TBC1D5: variants seen among roughly 807,000 people sequenced by gnomAD.
TBC1D5 encodes TBC1 domain family member 5, also known as TBC1 domain family, member 5.
In TBC1D5, 75 loss-of-function variants were observed where a neutral mutation model predicts 100.3. The ratio of observed to expected loss-of-function variants is 0.75; its 90% CI spans 0.62 to 0.91. The LOEUF (loss-of-function observed/expected upper bound fraction) is 0.91. TBC1D5 is among the 40% of genes least tolerant of loss of function. TBC1D5 has a pLI of 0.00. For missense variants in TBC1D5, 910 were observed against 942.4 expected (o/e 0.97, Z 0.45); for synonymous variants, 323 against 325.6 (o/e 0.99, Z 0.09).
chr3:17,372,353 C>A (rs2092509561), intron 12 of TBC1D5, 106 bp from the exon 13 acceptor site: 2 of 1,010,262 alleles, frequency 2.0e-6, no homozygotes, highest in Non-Finnish European at 1.4e-6. Flanking sequence ...TTATTATCTG[C>A]CTACTACTCA....
intron 13 of TBC1D5, among the ~76,000 whole-genome samples, chr3:17,366,680 T>C (rs994639471): frequency 6.6e-6 from 1 of 152,120 alleles, no homozygotes; most frequent in Non-Finnish European, 1.5e-5. Context: ...ATATAATCTT[T>C]TAGGTGGATA....
At chr3:17,193,493 G>C (rs1014358403) in intron 18 of TBC1D5, among the ~76,000 whole-genome samples, 1 of 152,122 alleles carries the variant, frequency 6.6e-6, no homozygotes, top group Non-Finnish European at 1.5e-5. Context: ...CCGTGGGTGC[G>C]ACATATGGGG....
chr3:17,670,179 C>T (rs2067775496), intron 1 of TBC1D5, among the ~76,000 whole-genome samples: 1 of 152,148 alleles, frequency 6.6e-6, no homozygotes, highest in Admixed American at 6.6e-5. Context: ...TGAGCCACCA[C>T]GCCCGGCCAG....
At chr3:17,471,974 T>C (rs919357295) in intron 3 of TBC1D5, among the ~76,000 whole-genome samples, 3 of 152,064 alleles carry the variant, frequency 2.0e-5, no homozygotes, top group African/African-American at 7.2e-5. Flanking sequence ...CATACTAAAA[T>C]AGCAAACTAT....
intron 2 of TBC1D5, among the ~76,000 whole-genome samples, chr3:17,594,090 A>G (rs2060410554): frequency 6.6e-6 from 1 of 152,212 alleles, no homozygotes; most frequent in South Asian, 2.1e-4. Context: ...ACCAGGAGAC[A>G]CAACAATGAT....
intron 3 of TBC1D5, among the ~76,000 whole-genome samples, chr3:17,480,115 C>T (rs568822302): frequency 4.9e-4 from 74 of 152,340 alleles, no homozygotes; most frequent in Middle Eastern, 6.8e-3. Context: ...TGGGTGTGCA[C>T]ACACATAGGG....
chr3:17,501,899 C>T (rs1372342585), intron 3 of TBC1D5, among the ~76,000 whole-genome samples: 1 of 149,520 alleles, frequency 6.7e-6, no homozygotes, highest in Admixed American at 6.6e-5. Flanking sequence ...TTTTTTACTC[C>T]CCACAGATCT....
chr3:17,533,138 C>A (rs2096249686), intron 2 of TBC1D5, among the ~76,000 whole-genome samples: 1 of 151,760 alleles, frequency 6.6e-6, no homozygotes, highest in Non-Finnish European at 1.5e-5. Context: ...ATTAAATATT[C>A]TCAGATATAA....
At chr3:17,313,978 T>C (rs1241699456) in intron 13 of TBC1D5, among the ~76,000 whole-genome samples, 1 of 152,178 alleles carries the variant, frequency 6.6e-6, no homozygotes, top group Non-Finnish European at 1.5e-5. Context: ...TCACTGGCCC[T>C]CTCTTCTTTC....
At chr3:17,566,519 T>C (rs1349188857) in intron 2 of TBC1D5, among the ~76,000 whole-genome samples, 1 of 151,912 alleles carries the variant, frequency 6.6e-6, no homozygotes, top group African/African-American at 2.4e-5. Flanking sequence ...TACTTTTTGC[T>C]ATAAAACACT....
In TBC1D5 at chr3:17,540,836, G is replaced by A. The variant is rs1004677186; in HGVS notation, c.-35-32231C>T. ...GCAGGAGAATCGCTTGAACCCAGGA[G>A]GCAGAGGCTGCAGTGAGCCGAGATC... is the stretch of plus-strand genomic sequence containing the variant. On this transcript the variant is annotated intron_variant, in intron 2 of 21. Transcript: ENST00000253692. Among the ~76,000 whole-genome samples the A allele has an allele frequency of 2.7e-5, 4 of 146,484 alleles. No individual in the cohort carries two copies. In the Admixed American group the frequency reaches 2.8e-4, roughly 10 times the overall value.
At chr3:17,697,793 G>C (rs1392468067) in intron 1 of TBC1D5, among the ~76,000 whole-genome samples, 9 of 151,774 alleles carry the variant, frequency 5.9e-5, no homozygotes, top group Non-Finnish European at 1.0e-4. Flanking sequence ...AACCCGCGTT[G>C]CCAAGACAAT....
At chr3:17,258,528 C>T in exon 16 of TBC1D5, 3 of 1,612,844 alleles carry the variant, frequency 1.9e-6, no homozygotes, top group Non-Finnish European at 2.5e-6. Flanking sequence ...ATGAGGTCTG[C>T]TCCTCGTGCT....
chr3:17,541,906 G>A (rs1202277200), intron 2 of TBC1D5, among the ~76,000 whole-genome samples: 2 of 152,030 alleles, frequency 1.3e-5, no homozygotes, highest in African/African-American at 2.4e-5. Flanking sequence ...CACACACTAT[G>A]GTTTTTCCTA....
chr3:17,604,490 C>A (rs2061206405), intron 2 of TBC1D5, among the ~76,000 whole-genome samples: 1 of 152,124 alleles, frequency 6.6e-6, no homozygotes, highest in Admixed American at 6.5e-5. Flanking sequence ...CATTTTAATT[C>A]TCAAATATGA....
intron 3 of TBC1D5, among the ~76,000 whole-genome samples, chr3:17,486,352 A>G (rs931141988): frequency 2.0e-5 from 3 of 151,996 alleles, no homozygotes; most frequent in Non-Finnish European, 4.4e-5. Context: ...ATTAGATCCC[A>G]TTTGTCAATT....
intron 3 of TBC1D5, among the ~76,000 whole-genome samples, chr3:17,474,604 C>A (rs1389083674): frequency 6.6e-6 from 1 of 152,142 alleles, no homozygotes; most frequent in Non-Finnish European, 1.5e-5. Flanking sequence ...CTCCAATCTT[C>A]AGAAGATATA....
At position 17,699,170 on chromosome 3, in the gene TBC1D5, T is replaced by G. The variant is rs1191209231; in HGVS notation, c.-101+40173A>C. Among the ~76,000 whole-genome samples the G allele has an allele frequency of 2.4e-3, 304 of 125,482 alleles. 2 individuals are homozygous for G. Among genetic ancestry groups the G allele is most frequent in the African/African-American group, 8.4e-3 (277 of 33,060 alleles). 82.3% of individuals were successfully genotyped at this position (125,482 alleles called of 152,430 possible). ...AATGTCCAACAATGATAGACTGGAT[T>G]AAGAAAATGTGGCACATATACACCA... On this transcript the variant is annotated intron_variant, in intron 1 of 21. Transcript: ENST00000253692.
intron 17 of TBC1D5, among the ~76,000 whole-genome samples, chr3:17,216,208 A>G (rs1162718645): frequency 2.0e-5 from 3 of 152,094 alleles, no homozygotes; most frequent in Non-Finnish European, 2.9e-5. Context: ...GATAGCCTTT[A>G]GCTATTAGAT....
Sources: allele counts gnomAD v4.1 joint callset (sites outside exome capture counted in the v4.1 genomes callset), GRCh38; gene constraint gnomAD v4.1.1; transcripts MANE v1.5; gene names NCBI Gene and HGNC (gene_info 2026-07-23, HGNC 2026-07-21).